EXOC7: variants seen among roughly 807,000 people sequenced by gnomAD.
EXOC7 encodes exocyst complex component 7, also known as exocyst complex component Exo70.
Under a neutral mutation model 87.6 loss-of-function variants are expected in EXOC7, and 51 were observed. The observed-to-expected ratio is 0.58, with a 90% CI of 0.46 to 0.73. The LOEUF (loss-of-function observed/expected upper bound fraction) is 0.73. Ranked by LOEUF, EXOC7 falls within the 30% of genes least tolerant of loss-of-function variation. EXOC7 has a pLI of 0.00. For missense variants in EXOC7, 744 were observed against 888.4 expected (o/e 0.84, Z 2.07); for synonymous variants, 327 against 357.1 (o/e 0.92, Z 0.95).
chr17:76,090,661 G>A, intron 7 of EXOC7: 1 of 626,760 alleles, frequency 1.6e-6, no homozygotes, highest in South Asian at 2.0e-5. Context: ...AGGGAAAGCG[G>A]AGAAGGACCA....
At chr17:76,084,687 A>T in intron 15 of EXOC7, 107 bp from the exon 16 acceptor site, 1 of 939,698 alleles carries the variant, frequency 1.1e-6, no homozygotes, top group Non-Finnish European at 1.7e-6. Flanking sequence ...GGTGGTAGGA[A>T]GGGATGTGGG....
chr17:76,094,108 G>T, intron 6 of EXOC7: 1 of 278,920 alleles, frequency 3.6e-6, no homozygotes, highest in Non-Finnish European at 6.8e-6. Flanking sequence ...GGCGACGTGT[G>T]TGTGAGGGAG....
intron 10 of EXOC7, 76 bp from the exon 11 acceptor site, chr17:76,088,198 C>T: frequency 1.4e-6 from 2 of 1,478,608 alleles, no homozygotes; most frequent in South Asian, 1.2e-5. Context: ...GCTCATGGTG[C>T]CGCCTCCTGG....
chr17:76,082,499 G>A lies in EXOC7; in HGVS notation c.*1149C>T. 6.2e-7 allele frequency: 1 copy of A among 1,613,614 alleles called. No individual in the cohort carries two copies. The highest frequency in any genetic ancestry group is 8.5e-7 in the Non-Finnish European group (1 of 1,179,816). On this transcript the variant is annotated 3_prime_UTR_variant, in exon 19 of 19. Transcript: ENST00000589210. The stretch of plus-strand genomic sequence containing the variant: ...GGAGTAAAGGGGTCACAGAGAAGCT[G>A]GCCTGAGACTGCTGACCGCATCTTC...
In EXOC7 at chr17:76,082,550, T is replaced by C; in HGVS notation, c.*1098A>G. On this transcript the variant is annotated 3_prime_UTR_variant, in exon 19 of 19. Coordinates refer to ENST00000589210, the MANE Select transcript of EXOC7 (RefSeq NM_001013839.4). The stretch of plus-strand genomic sequence containing the variant: ...TTCCTCGTGTATGTGGTTGGGGTGC[T>C]GTGCACCCAATTCGTCTTTGCAGGA... 1.9e-6 allele frequency: 3 copies of C among 1,613,792 alleles called. No homozygotes were observed. Among genetic ancestry groups the C allele is most frequent in the South Asian group, 1.1e-5 (1 of 91,082 alleles).
rs551177105 is a variant in EXOC7 at position 76,103,410 on chromosome 17, G to A, written c.77C>T (p.Ser26Phe). 1.3e-4 allele frequency: 210 copies of A among 1,606,948 alleles called. 1 individual carries two copies. The South Asian group carries it at 2.2e-3, about 17-fold the overall frequency. ...DKLKQEEETL[S>F]FIRDSLEKSD... ...CTTCTCCAGGCTGTCTCGGATGAAGGACAGAGTCTCCTCCTCCTGGGGGCA... is the reference window on the plus strand; with the variant it reads ...CTTCTCCAGGCTGTCTCGGATGAAGAACAGAGTCTCCTCCTCCTGGGGGCA... Residue 26 changes from serine to phenylalanine, a missense_variant, in exon 2 of 19, where the codon TCC (serine) becomes TTC (phenylalanine). Ser to Phe is a radical substitution (Grantham distance 155). Around this residue, in one of 3 missense-constraint regions of EXOC7, gnomAD observed 512 missense variants for 573.0 expected, o/e 0.89. Coordinates refer to ENST00000589210, the MANE Select transcript of EXOC7 (RefSeq NM_001013839.4).
Position 76,082,730 on chromosome 17 carries a change from C to T in EXOC7, c.*918G>A. 1 of 1,414,504 alleles carries T rather than the reference C, an allele frequency of 7.1e-7. No homozygotes were observed. The highest frequency in any genetic ancestry group is 9.4e-7 in the Non-Finnish European group (1 of 1,061,102). 87.6% of individuals were successfully genotyped at this position (1,414,504 alleles called of 1,614,324 possible). A position where few individuals can be genotyped will look rare whatever the true frequency, so the allele number is the denominator to read the frequency against. On this transcript the variant is annotated 3_prime_UTR_variant, in exon 19 of 19. Coordinates refer to ENST00000589210, the MANE Select transcript of EXOC7 (RefSeq NM_001013839.4). Reference sequence around the variant, plus strand: ...CTGGGGGCGGGCCATGACAGGGCCTCTGGATTAAGCCACCCTGAGCTCTCC... The same window carrying T: ...CTGGGGGCGGGCCATGACAGGGCCTTTGGATTAAGCCACCCTGAGCTCTCC...
In EXOC7 at chr17:76,086,141, G is replaced by A; in HGVS notation, c.1434C>T (p.Thr478=). Residue 478 remains threonine, a synonymous_variant, in exon 13 of 19, where the codon ACC becomes ACT. Transcript: ENST00000589210. ...AGCTGTAGCTGGTGGCCGAAGAGCT[G>A]GTCTCTGTGAGAGGAGAAGTCCTGT... ...TAGAMLASQE[T]SSSATSYSSE... The A allele has an allele frequency of 6.2e-7, 1 of 1,613,586 alleles. No individual in the cohort carries two copies. Among genetic ancestry groups the A allele is most frequent in the Non-Finnish European group, 8.5e-7 (1 of 1,179,992 alleles).
At position 76,101,662 on chromosome 17, in the gene EXOC7, G is replaced by C. The variant is rs115560765; in HGVS notation, c.311+17C>G. The C allele has an allele frequency of 3.9e-3, 6,311 of 1,604,062 alleles. 201 individuals are homozygous for C. In the African/African-American group the frequency reaches 0.07, roughly 18 times the overall value. ...AGGAGGCATTAGGAATTGACCCTCT[G>C]GGCCTCACTCACTCACCCCTCTCTG... On this transcript the variant is annotated intron_variant, in intron 3 of 18. Coordinates refer to ENST00000589210, the MANE Select transcript of EXOC7 (RefSeq NM_001013839.4).
Position 76,082,043 on chromosome 17 carries a change from G to A in EXOC7, c.*1605C>T. ...GCACGGCAACCCAGGGCCTCATCCT[G>A]CTGAAGGTGGGCAGGGGCTGGGGGG... On this transcript the variant is annotated 3_prime_UTR_variant, in exon 19 of 19. Transcript: ENST00000589210. The A allele has an allele frequency of 6.2e-7, 1 of 1,606,828 alleles. No homozygotes were observed. The highest frequency in any genetic ancestry group is 8.5e-7 in the Non-Finnish European group (1 of 1,177,394).
rs773849258 is a variant in EXOC7, at chr17:76,082,089, C to T, written c.*1559G>A. On this transcript the variant is annotated 3_prime_UTR_variant, in exon 19 of 19. Coordinates refer to ENST00000589210, the MANE Select transcript of EXOC7 (RefSeq NM_001013839.4). ...GGGGGTAAGGAATGAGGCCTAGGTG[C>T]ACACCTAGGGCTGGGGTGAGGGCAC... 1.0e-5 allele frequency: 16 copies of T among 1,551,902 alleles called. No individual in the cohort carries two copies. Among genetic ancestry groups the T allele is most frequent in the Non-Finnish European group, 1.4e-5 (16 of 1,150,266 alleles).
intron 11 of EXOC7, 63 bp from the exon 12 acceptor site, chr17:76,087,783 C>T (rs2067279533): frequency 2.3e-5 from 35 of 1,521,284 alleles, no homozygotes; most frequent in Middle Eastern, 1.9e-4. Context: ...CCTCCCACAG[C>T]GACCCCTCTG....
chr17:76,081,881 G>T lies in EXOC7; in HGVS notation c.*1767C>A. On this transcript the variant is annotated 3_prime_UTR_variant, in exon 19 of 19. Transcript: ENST00000589210. ...ATCTCCCTGTGCCCTGCCTCCCCCA[G>T]TTTACTACTTCACCATCCTGCTGCT... The T allele has an allele frequency of 1.2e-6, 2 of 1,609,282 alleles. No homozygotes were observed. The highest frequency in any genetic ancestry group is 1.7e-6 in the Non-Finnish European group (2 of 1,176,900).
At chr17:76,094,228 T>A in intron 6 of EXOC7, 186 bp downstream of exon 6, 1 of 573,114 alleles carries the variant, frequency 1.7e-6, no homozygotes, top group Non-Finnish European at 3.0e-6. Context: ...GAAGGAAGAG[T>A]CTTGCTCTTG....
At position 76,094,659 on chromosome 17, in the gene EXOC7, A is replaced by C. The variant is rs75760328; in HGVS notation, c.641-78T>G. 4.7e-4 allele frequency: 679 copies of C among 1,449,194 alleles called. 4 individuals carry two copies. In the African/African-American group the frequency reaches 8.8e-3, roughly 19 times the overall value. 89.8% of individuals were successfully genotyped at this position (1,449,194 alleles called of 1,614,324 possible). On this transcript the variant is annotated intron_variant, in intron 5 of 18. Coordinates refer to ENST00000589210, the MANE Select transcript of EXOC7 (RefSeq NM_001013839.4). ...TGCAGACCCACCATGTCTACCTGTC[A>C]AACCTGTCAACCCTTCTTAGCATCT...
intron 2 of EXOC7, 119 bp downstream of exon 2, chr17:76,103,242 C>T (rs1003304037): frequency 9.1e-6 from 8 of 880,154 alleles, no homozygotes; most frequent in Non-Finnish European, 1.4e-5. Context: ...AACCCACACA[C>T]TGCCTCCGTC....
In EXOC7 at chr17:76,101,324, C is replaced by T; in HGVS notation, c.364G>A (p.Ala122Thr). Residue 122 changes from alanine (A) to threonine (T), a missense_variant, in exon 4 of 19, where the codon GCA (alanine) becomes ACA (threonine). Ala to Thr is a moderately conservative substitution (Grantham distance 58). Around this residue, in one of 3 missense-constraint regions of EXOC7, gnomAD observed 512 missense variants for 573.0 expected, o/e 0.89. Transcript: ENST00000589210. ...YLGSMAKIQK[A>T]VEYFQDNSPD... The stretch of plus-strand genomic sequence containing the variant: ...CTGTTGTCCTGGAAATACTCCACTG[C>T]CTTCTGAATCTTGGCCATGCTTCCC... 6.2e-7 allele frequency: 1 copy of T among 1,614,084 alleles called. No individual in the cohort carries two copies.
chr17:76,094,288 C>T, intron 6 of EXOC7, 126 bp downstream of exon 6: 19 of 1,015,742 alleles, frequency 1.9e-5, no homozygotes, highest in Middle Eastern at 6.5e-4. Flanking sequence ...TGTGTACCTA[C>T]AGTCGGGGTT....
At chr17:76,084,764 A>G (rs1395745572) in intron 15 of EXOC7, 184 bp from the exon 16 acceptor site, 5 of 603,928 alleles carry the variant, frequency 8.3e-6, no homozygotes, top group Non-Finnish European at 1.5e-5. Flanking sequence ...TCACTTTTTG[A>G]GATAACATTA....
Sources: allele counts gnomAD v4.1 joint callset, GRCh38; gene constraint gnomAD v4.1.1; regional missense constraint gnomAD v4.1.1; transcripts MANE v1.5; gene names NCBI Gene and HGNC (gene_info 2026-07-23, HGNC 2026-07-21).